CDC42BPB: variants seen among roughly 807,000 people sequenced by gnomAD.
The protein encoded by CDC42BPB is CDC42 binding protein kinase beta.
A neutral mutation model predicts 214.9 loss-of-function variants in CDC42BPB; 37 were observed. The observed-to-expected ratio is 0.17, with a 90% CI of 0.13 to 0.23. The LOEUF is 0.23. CDC42BPB is among the 10% of genes least tolerant of loss of function. CDC42BPB has a pLI of 1.00. For synonymous variants in CDC42BPB, 931 were observed against 884.0 expected (o/e 1.05, Z -0.94); for missense variants, 1,694 against 2,227.0 (o/e 0.76, Z 4.82).
At chr14:102,975,178 A>T (rs1194395493) in intron 11 of CDC42BPB, among the ~76,000 whole-genome samples, 1 of 152,208 alleles carries the variant, frequency 6.6e-6, no homozygotes, top group Non-Finnish European at 1.5e-5. Flanking sequence ...CGTACAGATA[A>T]AATATCAGGA....
chr14:102,950,670 C>A, intron 24 of CDC42BPB, 68 bp from the exon 25 acceptor site: 1 of 1,422,664 alleles, frequency 7.0e-7, no homozygotes, highest in East Asian at 2.8e-5. Flanking sequence ...AGAACCTATG[C>A]CCTGAGGAGG....
rs573053540 is a variant in CDC42BPB at position 103,020,667 on chromosome 14, C to T, written c.176-8479G>A. Among the ~76,000 whole-genome samples the T allele has an allele frequency of 7.9e-5, 12 of 152,282 alleles. No individual in the cohort carries two copies. The East Asian group carries it at 9.7e-4, about 12-fold the overall frequency. The stretch of plus-strand genomic sequence containing the variant: ...GTGGACGGGGCACATGCTGAACCCC[C>T]GTGAGAGAGAGAGCACAGGGCGTGT... On this transcript the variant is annotated intron_variant, in intron 1 of 36. Coordinates refer to ENST00000361246, the MANE Select transcript of CDC42BPB (RefSeq NM_006035.4).
At position 102,943,516 on chromosome 14, in the gene CDC42BPB, A is replaced by G. The variant is rs1213619698; in HGVS notation, c.4408+375T>C. Among the ~76,000 whole-genome samples the G allele has an allele frequency of 6.6e-6, 1 of 152,092 alleles. No homozygotes were observed. The highest frequency in any genetic ancestry group is 2.4e-5 in the African/African-American group (1 of 41,410). On this transcript the variant is annotated intron_variant, in intron 30 of 36. Coordinates refer to ENST00000361246, the MANE Select transcript of CDC42BPB (RefSeq NM_006035.4). This position sits in a 1 kb window ranked among gnomAD's most constrained non-coding sequence, Gnocchi z 4.6. Reference sequence around the variant, plus strand: ...ACCAAAACCCCTCAAGCTTGTCTTTACTACTGTGTAAGTTTCTGTATTATC... The same window carrying G: ...ACCAAAACCCCTCAAGCTTGTCTTTGCTACTGTGTAAGTTTCTGTATTATC...
At chr14:102,972,571 C>T (rs952123879) in intron 12 of CDC42BPB, among the ~76,000 whole-genome samples, 12 of 151,714 alleles carry the variant, frequency 7.9e-5, no homozygotes, top group African/African-American at 2.9e-4. Context: ...TGCCTGTAGT[C>T]CCAGCTACTT....
intron 1 of CDC42BPB, among the ~76,000 whole-genome samples, chr14:103,030,250 G>T (rs958090694): frequency 2.6e-5 from 4 of 152,228 alleles, no homozygotes; most frequent in Non-Finnish European, 1.5e-5. Flanking sequence ...TGAGGTTGAA[G>T]GTGGAAATGG....
intron 36 of CDC42BPB, among the ~76,000 whole-genome samples, chr14:102,934,857 A>T (rs1258606613): frequency 6.6e-6 from 1 of 151,724 alleles, no homozygotes; most frequent in Non-Finnish European, 1.5e-5. Context: ...AATACAAAAA[A>T]AAATTAGCCT....
At chr14:102,965,079 C>T (rs534377390) in intron 18 of CDC42BPB, among the ~76,000 whole-genome samples, 3 of 152,112 alleles carry the variant, frequency 2.0e-5, no homozygotes, top group South Asian at 2.1e-4. Flanking sequence ...ATTACAGGTG[C>T]CGCACCACCA....
At chr14:102,988,456 T>G (rs532099750) in intron 5 of CDC42BPB, among the ~76,000 whole-genome samples, 4 of 151,860 alleles carry the variant, frequency 2.6e-5, no homozygotes, top group Admixed American at 6.6e-5. Context: ...CAAGTTGATA[T>G]TGATGCTCAT....
At position 102,933,738 on chromosome 14, in the gene CDC42BPB, G is replaced by C. The variant is rs1474790652; in HGVS notation, c.5110C>G (p.Leu1704Val). 5 of 1,489,678 alleles carry C rather than the reference G, an allele frequency of 3.4e-6. No homozygotes were observed. In the African/African-American group the frequency reaches 7.4e-5, roughly 22 times the overall value. 92.3% of individuals were successfully genotyped at this position (1,489,678 alleles called of 1,614,324 possible). A position where few individuals can be genotyped will look rare whatever the true frequency, so the allele number is the denominator to read the frequency against. The change falls in exon 37 of 37, where the codon CTG becomes GTG. Residue 1704 changes from leucine to valine, a missense_variant. Leu to Val is a conservative substitution (Grantham distance 32). Around this residue, in one of 7 missense-constraint regions of CDC42BPB, gnomAD observed 146 missense variants for 134.1 expected, o/e 1.09. Coordinates refer to ENST00000361246, the MANE Select transcript of CDC42BPB (RefSeq NM_006035.4). ...CAGGTGTCACAGGCCGGCTGCTCCA[G>C]GCCTTCGAGGGGGAGCTGGCTCCTG... is the stretch of plus-strand genomic sequence containing the variant. The part of the protein sequence containing the change: ...PHRSQLPLEG[L>V]EQPACDT
intron 34 of CDC42BPB, among the ~76,000 whole-genome samples, chr14:102,939,006 G>A (rs376506679): frequency 2.3e-4 from 35 of 150,540 alleles, no homozygotes; most frequent in Non-Finnish European, 4.4e-4. Flanking sequence ...GTGCAATCTC[G>A]GCTCACTGCA....
chr14:102,965,141 C>T (rs1032210963), intron 18 of CDC42BPB, among the ~76,000 whole-genome samples: 5 of 151,944 alleles, frequency 3.3e-5, no homozygotes, highest in Non-Finnish European at 7.4e-5. Context: ...ACCACGTTGG[C>T]CAGGCTAGTC....
chr14:103,033,823 C>A (rs1436165612), intron 1 of CDC42BPB, among the ~76,000 whole-genome samples: 1 of 152,192 alleles, frequency 6.6e-6, no homozygotes, highest in Non-Finnish European at 1.5e-5. Context: ...GAAATCACTA[C>A]AAGCTCCTGC....
intron 23 of CDC42BPB, 92 bp from the exon 24 acceptor site, chr14:102,952,695 G>T (rs1892544242): frequency 1.3e-6 from 2 of 1,517,272 alleles, no homozygotes; most frequent in African/African-American, 1.4e-5. Context: ...CACAGCTTGG[G>T]CATTATCCTG....
intron 23 of CDC42BPB, among the ~76,000 whole-genome samples, chr14:102,953,968 AAT>A: frequency 6.6e-6 from 1 of 152,262 alleles, no homozygotes; most frequent in Admixed American, 6.5e-5. Flanking sequence ...TTCCAATTAA[AAT>A]ATATTTGTGT....
chr14:102,939,794 C>A (rs368319342), intron 33 of CDC42BPB, 36 bp downstream of exon 33: 1 of 1,613,976 alleles, frequency 6.2e-7, no homozygotes, highest in African/African-American at 1.3e-5. Flanking sequence ...CTCCCTAGAG[C>A]GAGGCCCAGC....
chr14:102,948,927 G>A (rs1892348625), intron 26 of CDC42BPB, among the ~76,000 whole-genome samples: 1 of 151,994 alleles, frequency 6.6e-6, no homozygotes, highest in Non-Finnish European at 1.5e-5. Flanking sequence ...ATGGAAAGTG[G>A]AGTATGCTGC....
chr14:103,041,735 C>A (rs1888010657), intron 1 of CDC42BPB: 2 of 544,180 alleles, frequency 3.7e-6, no homozygotes, highest in Non-Finnish European at 6.8e-6. Flanking sequence ...AAGAAGGTGG[C>A]CCAGACCATT....
intron 5 of CDC42BPB, among the ~76,000 whole-genome samples, chr14:102,990,835 C>T (rs1217227609): frequency 6.6e-6 from 1 of 151,988 alleles, no homozygotes; most frequent in Non-Finnish European, 1.5e-5. Context: ...AATTTCAGCA[C>T]AAAAATAACT....
chr14:102,936,257 C>T (rs1323058531), intron 36 of CDC42BPB, among the ~76,000 whole-genome samples: 1 of 152,144 alleles, frequency 6.6e-6, no homozygotes, highest in Admixed American at 6.5e-5. Context: ...GGCATAAACC[C>T]GAATGTGAAA....
Sources: gnomAD v4.1 joint callset for allele counts (sites outside exome capture counted in the v4.1 genomes callset) on GRCh38, gnomAD v4.1.1 for gene constraint, gnomAD v4.1.1 regional missense constraint, Gnocchi (gnomAD v3.1) non-coding constraint, MANE v1.5 for transcripts, NCBI Gene and HGNC (gene_info 2026-07-23, HGNC 2026-07-21) for gene names.